The following PREX2 variants were observed in gnomAD, a reference collection of about 807,000 sequenced individuals.
PREX2 encodes phosphatidylinositol 3,4,5-trisphosphate-dependent Rac exchanger 2 protein.
In PREX2, 107 loss-of-function variants were observed where a neutral mutation model predicts 203.2. The ratio of observed to expected loss-of-function variants is 0.53; its 90% CI spans 0.45 to 0.62. PREX2 has a LOEUF of 0.62. Among genes scored for constraint, PREX2 ranks in the 20% least tolerant of loss-of-function variants. The pLI is 0.00. For synonymous variants in PREX2, 672 were observed against 663.6 expected (o/e 1.01, Z -0.19); for missense variants, 1,777 against 1,955.9 (o/e 0.91, Z 1.72).
intron 1 of PREX2, among the ~76,000 whole-genome samples, chr8:67,962,399 G>A (rs1179156005): frequency 6.6e-6 from 1 of 151,948 alleles, no homozygotes; most frequent in Non-Finnish European, 1.5e-5. Flanking sequence ...AGCACTAGGA[G>A]ACCATCTATG....
At position 68,069,962 on chromosome 8, in the gene PREX2, G is replaced by A. The variant is rs544947767; in HGVS notation, c.1493+78G>A. 4 of 732,060 alleles carry A rather than the reference G, an allele frequency of 5.5e-6. No individual in the cohort carries two copies. In the South Asian group the frequency reaches 8.7e-5, roughly 16 times the overall value. The allele number at this position is 732,060 out of a possible 1,614,324, so 45.3% of individuals were successfully genotyped here. ...GTTTTAGGTAAATATTATTCAGCCA[G>A]AACTTGTTGGCTTATTTTGTTTTTT... On this transcript the variant is annotated intron_variant, in intron 13 of 39. Coordinates refer to ENST00000288368, the MANE Select transcript of PREX2 (RefSeq NM_024870.4).
chr8:67,980,374 A>G (rs1362185504), intron 1 of PREX2, among the ~76,000 whole-genome samples: 3 of 144,904 alleles, frequency 2.1e-5, no homozygotes, highest in Non-Finnish European at 4.6e-5. Flanking sequence ...GGAGTTGAAG[A>G]AAAGGTAGAC....
intron 21 of PREX2, among the ~76,000 whole-genome samples, chr8:68,096,710 TA>T (rs141496826): frequency 0.046 from 7,043 of 152,102 alleles, 240 homozygotes; most frequent in Non-Finnish European, 0.073. Flanking sequence ...ATGTCTTTAA[TA>T]AAAAAAATTT....
At chr8:68,079,827 G>A (rs1809459010) in intron 15 of PREX2, among the ~76,000 whole-genome samples, 1 of 152,086 alleles carries the variant, frequency 6.6e-6, no homozygotes, top group African/African-American at 2.4e-5. Flanking sequence ...AGATAAGGGG[G>A]AAGAAACAGA....
chr8:68,234,688 G>A lies in PREX2; in HGVS notation c.*3310G>A, dbSNP rs936750743. ...AGTATAAGCTTTATTTTATCAGTTC[G>A]CAAATCTGAAGTCTCATACTGTTTT... On this transcript the variant is annotated 3_prime_UTR_variant, in exon 40 of 40. Transcript: ENST00000288368. The A allele has an allele frequency of 1.3e-5, 2 of 151,896 alleles. No individual in the cohort carries two copies. Among genetic ancestry groups the A allele is most frequent in the African/African-American group, 2.4e-5 (1 of 41,362 alleles). 9.4% of individuals were successfully genotyped at this position (151,896 alleles called of 1,614,324 possible).
chr8:68,029,198 CA>C (rs1807812088), intron 5 of PREX2, among the ~76,000 whole-genome samples: 1 of 152,066 alleles, frequency 6.6e-6, no homozygotes, highest in South Asian at 2.1e-4. Flanking sequence ...TTGAGTTGGT[CA>C]ATCAACATTG....
chr8:68,022,203 G>A, intron 4 of PREX2, 63 bp downstream of exon 4: 1 of 829,570 alleles, frequency 1.2e-6, no homozygotes, highest in Admixed American at 1.7e-5. Flanking sequence ...TGAGAGCCAA[G>A]GAATAGCATC....
intron 37 of PREX2, among the ~76,000 whole-genome samples, chr8:68,212,422 A>G (rs1459347993): frequency 1.3e-5 from 2 of 152,246 alleles, no homozygotes; most frequent in African/African-American, 2.4e-5. Flanking sequence ...TGCATCTCCT[A>G]CACACTGGAG....
At chr8:68,149,483 A>G (rs1056494993) in intron 34 of PREX2, among the ~76,000 whole-genome samples, 1 of 152,168 alleles carries the variant, frequency 6.6e-6, no homozygotes, top group Non-Finnish European at 1.5e-5. Context: ...CACTAAAACA[A>G]TCTTCTGGCT....
rs373374159 is a variant in PREX2 at position 67,960,519 on chromosome 8, A to G, written c.141+7984A>G. ...GCATAAGGACAAGTTTAATAGAAGA[A>G]GGTTCTGAGAACTCCAGCGGGGCCT... On this transcript the variant is annotated intron_variant, in intron 1 of 39. Coordinates refer to ENST00000288368, the MANE Select transcript of PREX2 (RefSeq NM_024870.4). Among the ~76,000 whole-genome samples the G allele has an allele frequency of 1.2e-3, 184 of 152,178 alleles. 2 individuals carry two copies. The highest frequency in any genetic ancestry group is 4.2e-3 in the African/African-American group (176 of 41,520).
chr8:67,956,968 G>A (rs931450377), intron 1 of PREX2, among the ~76,000 whole-genome samples: 1 of 151,992 alleles, frequency 6.6e-6, no homozygotes, highest in Non-Finnish European at 1.5e-5. Context: ...TTCTTCATTC[G>A]TAGAAGGGAG....
At chr8:68,121,070 A>G (rs964661177) in intron 30 of PREX2, 21 bp downstream of exon 30, 3 of 1,611,598 alleles carry the variant, frequency 1.9e-6, no homozygotes, top group Non-Finnish European at 2.5e-6. Flanking sequence ...AAAGCAAAGA[A>G]CATTGCATGA....
intron 31 of PREX2, among the ~76,000 whole-genome samples, chr8:68,133,468 ATAT>A (rs1811048344): frequency 1.3e-5 from 2 of 152,248 alleles, no homozygotes; most frequent in African/African-American, 4.8e-5. Context: ...ATAGGAATTC[ATAT>A]TCTTATATAT....
chr8:68,036,779 C>G (rs1450401450), intron 6 of PREX2, among the ~76,000 whole-genome samples: 2 of 151,944 alleles, frequency 1.3e-5, no homozygotes, highest in Non-Finnish European at 2.9e-5. Flanking sequence ...AACCCCGTCT[C>G]TTCTAAAAAT....
chr8:68,187,628 A>AT (rs1249635533), intron 35 of PREX2, among the ~76,000 whole-genome samples: 2 of 152,190 alleles, frequency 1.3e-5, no homozygotes, highest in African/African-American at 4.8e-5. Flanking sequence ...CTTGTATACT[A>AT]TTTTTTACCA....
intron 35 of PREX2, among the ~76,000 whole-genome samples, chr8:68,158,091 A>G (rs1291793253): frequency 4.5e-5 from 4 of 89,432 alleles, no homozygotes; most frequent in African/African-American, 1.8e-4. Context: ...ATATTCACAT[A>G]TATATGTGTA....
At chr8:68,114,302 G>A (rs1377394097) in intron 25 of PREX2, 1 of 510,442 alleles carries the variant, frequency 2.0e-6, no homozygotes, top group South Asian at 1.4e-5. Flanking sequence ...TGCGTAAGAG[G>A]TATAAGATAT....
At chr8:68,047,295 T>G (rs1050810262) in intron 8 of PREX2, among the ~76,000 whole-genome samples, 8 of 151,756 alleles carry the variant, frequency 5.3e-5, no homozygotes, top group African/African-American at 1.7e-4. Flanking sequence ...GAAGCTCTGA[T>G]GCAGATGGAT....
At position 68,090,695 on chromosome 8, in the gene PREX2, A is replaced by T; in HGVS notation, c.2230A>T (p.Lys744Ter). 1 of 1,613,810 alleles carries T rather than the reference A, an allele frequency of 6.2e-7. No individual in the cohort carries two copies. Among genetic ancestry groups the T allele is most frequent in the Non-Finnish European group, 8.5e-7 (1 of 1,179,770 alleles). Reference protein sequence around the residue: ...SVIAHVTACRKYRRPTKQDSI... With the variant: ...SVIAHVTACR Reference sequence around the variant, plus strand: ...CATTGCACACGTTACAGCCTGCAGGAAGTACAGGCGGCCAACGAAGGTAAG... The same window carrying T: ...CATTGCACACGTTACAGCCTGCAGGTAGTACAGGCGGCCAACGAAGGTAAG... Residue 744 changes from lysine (K) to a stop codon, truncating the protein, a stop_gained, in exon 20 of 40, where the codon AAG becomes TAG. Transcript: ENST00000288368. LOFTEE classifies it high-confidence loss of function.
Sources: gnomAD v4.1 joint callset for allele counts (sites outside exome capture counted in the v4.1 genomes callset) on GRCh38, gnomAD v4.1.1 for gene constraint, MANE v1.5 for transcripts, NCBI Gene and HGNC (gene_info 2026-07-23, HGNC 2026-07-21) for gene names.